The following ADAMTS2 variants were observed in gnomAD, a reference collection of about 807,000 sequenced individuals.
The protein encoded by ADAMTS2 is ADAM metallopeptidase with thrombospondin type 1 motif 2.
ADAMTS2 carries 50 observed loss-of-function variants against 123.0 expected under a neutral mutation model. That is an observed-to-expected ratio of 0.41 (90% confidence interval 0.32 to 0.51). The LOEUF (loss-of-function observed/expected upper bound fraction) is 0.51. Ranked by LOEUF, ADAMTS2 falls within the 20% of genes least tolerant of loss-of-function variation. The pLI is 0.35. For missense variants in ADAMTS2, 1,494 were observed against 1,705.2 expected (o/e 0.88, Z 2.18); for synonymous variants, 678 against 695.4 (o/e 0.98, Z 0.39).
intron 2 of ADAMTS2, among the ~76,000 whole-genome samples, chr5:179,298,479 C>G (rs1425480127): frequency 6.6e-6 from 1 of 152,216 alleles, no homozygotes; most frequent in Non-Finnish European, 1.5e-5. Context: ...AGACACCAAA[C>G]CCACTGGCGC....
chr5:179,310,919 G>T (rs561886252), intron 2 of ADAMTS2, among the ~76,000 whole-genome samples: 4 of 152,006 alleles, frequency 2.6e-5, no homozygotes, highest in African/African-American at 9.7e-5. Context: ...GCTCAGCAGG[G>T]TGCCCAACCC....
In ADAMTS2 at chr5:179,345,053, G is replaced by C; in HGVS notation, c.139+137C>G. 1.5e-6 allele frequency: 1 copy of C among 661,684 alleles called. No individual in the cohort carries two copies. 41.0% of individuals were successfully genotyped at this position (661,684 alleles called of 1,614,324 possible). A position where few individuals can be genotyped will look rare whatever the true frequency, so the allele number is the denominator to read the frequency against. On this transcript the variant is annotated intron_variant, in intron 1 of 21. Transcript: ENST00000251582. This position sits in a 1 kb window ranked among gnomAD's most constrained non-coding sequence, Gnocchi z 7.5. ...CGCGACCAACCCGGCCCCGAAGTTG[G>C]CCAACTTGGCCCCGGGCGGGGCGCG... is the stretch of plus-strand genomic sequence containing the variant.
At chr5:179,265,036 C>A (rs921944068) in intron 3 of ADAMTS2, among the ~76,000 whole-genome samples, 59 of 152,350 alleles carry the variant, frequency 3.9e-4, no homozygotes, top group Non-Finnish European at 7.5e-4. Flanking sequence ...CCGGGTGGGG[C>A]TGAGCACACT....
intron 3 of ADAMTS2, among the ~76,000 whole-genome samples, chr5:179,250,903 T>C (rs558309900): frequency 6.6e-6 from 1 of 152,290 alleles, no homozygotes; most frequent in East Asian, 1.9e-4. Flanking sequence ...TGCCCGCACA[T>C]TGCTTCCGCC....
Position 179,228,169 on chromosome 5 carries a change from C to T in ADAMTS2, c.689-20454G>A, listed in dbSNP as rs188219935. ...GCACAGAGAGAGGGTGGGCCGGAGG[C>T]CCCAGGTGTGGGCGGCCTCCAGGAT... On this transcript the variant is annotated intron_variant, in intron 3 of 21. Coordinates refer to ENST00000251582, the MANE Select transcript of ADAMTS2 (RefSeq NM_014244.5). The surrounding 1 kb of genome is among the most constrained non-coding windows in gnomAD (Gnocchi z 5.2). 6.6e-6 allele frequency among the ~76,000 whole-genome samples: 1 copy of T among 152,256 alleles called. No homozygotes were observed. Among genetic ancestry groups the T allele is most frequent in the Non-Finnish European group, 1.5e-5 (1 of 68,004 alleles).
intron 3 of ADAMTS2, among the ~76,000 whole-genome samples, chr5:179,212,418 G>A (rs1380681444): frequency 6.7e-6 from 1 of 149,438 alleles, no homozygotes; most frequent in Non-Finnish European, 1.5e-5. Flanking sequence ...GGCTCTGAAG[G>A]CAGGTGCAGT....
chr5:179,208,495 G>GC (rs1283824128), intron 3 of ADAMTS2, among the ~76,000 whole-genome samples: 10 of 152,266 alleles, frequency 6.6e-5, no homozygotes, highest in Admixed American at 3.3e-4. Context: ...CTGACCTCCT[G>GC]CCCCCAGGGT....
At chr5:179,224,380 T>G (rs1461517347) in intron 3 of ADAMTS2, among the ~76,000 whole-genome samples, 1 of 152,202 alleles carries the variant, frequency 6.6e-6, no homozygotes, top group Non-Finnish European at 1.5e-5. Context: ...CCTCGACCTG[T>G]GGGTCCCTGC....
intron 4 of ADAMTS2, among the ~76,000 whole-genome samples, chr5:179,192,587 G>A (rs571040478): frequency 2.6e-5 from 4 of 152,208 alleles, no homozygotes; most frequent in Non-Finnish European, 4.4e-5. Flanking sequence ...AAGGGTCCGT[G>A]ATCACTTCTG....
rs182758296 is a variant in ADAMTS2 at position 179,221,011 on chromosome 5, T to C, written c.689-13296A>G. ...GCTCCCTCCTCCTTCCTGACCCCTCTAGGTCAGGAGTCCAGGCACACAGCA... is the reference window on the plus strand; with the variant it reads ...GCTCCCTCCTCCTTCCTGACCCCTCCAGGTCAGGAGTCCAGGCACACAGCA... On this transcript the variant is annotated intron_variant, in intron 3 of 21. Coordinates refer to ENST00000251582, the MANE Select transcript of ADAMTS2 (RefSeq NM_014244.5). 8.5e-5 allele frequency among the ~76,000 whole-genome samples: 13 copies of C among 152,276 alleles called. No homozygotes were observed. In the East Asian group the frequency reaches 2.5e-3, roughly 29 times the overall value.
At chr5:179,298,885 G>A (rs1042726805) in intron 2 of ADAMTS2, among the ~76,000 whole-genome samples, 7 of 152,080 alleles carry the variant, frequency 4.6e-5, no homozygotes, top group African/African-American at 9.7e-5. Context: ...CCAACCACTC[G>A]GAAGTTTTTT....
rs1561811337 is a variant in ADAMTS2, at chr5:179,217,834, GC to G, written c.689-10120del. 2.0e-4 allele frequency among the ~76,000 whole-genome samples: 23 copies of G among 115,124 alleles called. 1 individual carries two copies. Among genetic ancestry groups the G allele is most frequent in the African/African-American group, 7.1e-4 (22 of 30,916 alleles). 75.5% of individuals were successfully genotyped at this position (115,124 alleles called of 152,430 possible). ...ACACTCACTAGGGGATGGCCTGAGG[GC>G]AGACAGGCACACTCACTAGGTAGGG... On this transcript the variant is annotated intron_variant, in intron 3 of 21. Transcript: ENST00000251582.
chr5:179,192,119 G>C (rs1037331125), intron 4 of ADAMTS2, among the ~76,000 whole-genome samples: 1 of 152,178 alleles, frequency 6.6e-6, no homozygotes, highest in African/African-American at 2.4e-5. Context: ...AGGAAGAAGG[G>C]AGAGGCCCTG....
intron 2 of ADAMTS2, among the ~76,000 whole-genome samples, chr5:179,283,548 G>GAAAAAAAAAAAAAAAA (rs1561684356): frequency 2.4e-4 from 1 of 4,234 alleles, no homozygotes; most frequent in East Asian, 2.5e-3. Context: ...TAGAAAAACA[G>GAAAAAAAAAAAAAAAA]CAAAAAAAAA....
chr5:179,179,348 C>T (rs10903235), intron 5 of ADAMTS2, among the ~76,000 whole-genome samples: 21,051 of 151,580 alleles, frequency 0.14, 1,889 homozygotes, highest in Admixed American at 0.27. Context: ...ATTTCATCAG[C>T]GAAGATGGAC....
chr5:179,269,331 A>C (rs1266476887), intron 3 of ADAMTS2, among the ~76,000 whole-genome samples: 1 of 152,204 alleles, frequency 6.6e-6, no homozygotes, highest in Non-Finnish European at 1.5e-5. Context: ...AATGCTGATA[A>C]AGACATACCC....
rs553253705 is a variant in ADAMTS2 at position 179,226,000 on chromosome 5, C to T, written c.689-18285G>A. Among the ~76,000 whole-genome samples, 372 of 152,288 alleles carry T rather than the reference C, an allele frequency of 2.4e-3. 3 individuals carry two copies. Among genetic ancestry groups the T allele is most frequent in the African/African-American group, 8.5e-3 (354 of 41,564 alleles). ...CTTCAGGGGCTGCAAACATTCACCC[C>T]TAGACACTGCTGTGGGGTCGGAGCC... On this transcript the variant is annotated intron_variant, in intron 3 of 21. Coordinates refer to ENST00000251582, the MANE Select transcript of ADAMTS2 (RefSeq NM_014244.5). The surrounding 1 kb of genome is among the most constrained non-coding windows in gnomAD (Gnocchi z 4.5).
chr5:179,207,470 GACCC>G, intron 4 of ADAMTS2, 39 bp downstream of exon 4: 20 of 1,323,528 alleles, frequency 1.5e-5, no homozygotes, highest in East Asian at 2.3e-5. Flanking sequence ...GCCCCTGGTT[GACCC>G]TCCCCGCCCC....
At chr5:179,298,104 T>G (rs1249009274) in intron 2 of ADAMTS2, among the ~76,000 whole-genome samples, 1 of 152,288 alleles carries the variant, frequency 6.6e-6, no homozygotes, top group South Asian at 2.1e-4. Flanking sequence ...CGTGCCACAG[T>G]GACCCTGCAA....
Sources: gnomAD v4.1 joint callset for allele counts (sites outside exome capture counted in the v4.1 genomes callset) on GRCh38, gnomAD v4.1.1 for gene constraint, Gnocchi (gnomAD v3.1) non-coding constraint, MANE v1.5 for transcripts, NCBI Gene and HGNC (gene_info 2026-07-23, HGNC 2026-07-21) for gene names.